The following CCDC178 variants were observed in gnomAD, a reference collection of about 807,000 sequenced individuals.
The protein encoded by CCDC178 is coiled-coil domain containing 178.
A neutral mutation model predicts 117.4 loss-of-function variants in CCDC178; 126 were observed. That is an observed-to-expected ratio of 1.07 (90% CI 0.93 to 1.24). The LOEUF (loss-of-function observed/expected upper bound fraction) is 1.24, where lower values mean the gene tolerates loss of function less well. CCDC178 is among the 50% of genes most tolerant of loss of function. CCDC178 has a pLI of 0.00. For synonymous variants in CCDC178, 283 were observed against 313.4 expected (o/e 0.90, Z 1.02); for missense variants, 1,030 against 986.9 (o/e 1.04, Z -0.59).
intron 9 of CCDC178, among the ~76,000 whole-genome samples, chr18:33,340,382 G>A (rs910995384): frequency 2.0e-5 from 3 of 152,158 alleles, no homozygotes; most frequent in African/African-American, 7.2e-5. Flanking sequence ...CAGAAAATTT[G>A]CAGCCTGACG....
At chr18:33,143,898 C>T (rs1055599807) in intron 20 of CCDC178, among the ~76,000 whole-genome samples, 1 of 152,128 alleles carries the variant, frequency 6.6e-6, no homozygotes, top group East Asian at 1.9e-4. Context: ...TGTATTAGGG[C>T]TTAGTAGAAA....
At chr18:33,025,155 G>A (rs1278868068) in intron 21 of CCDC178, among the ~76,000 whole-genome samples, 1 of 152,106 alleles carries the variant, frequency 6.6e-6, no homozygotes, top group Non-Finnish European at 1.5e-5. Context: ...GGGATTCAAA[G>A]CTGTTTGAAT....
chr18:33,092,932 T>C (rs777391598), intron 20 of CCDC178, 22 bp from the exon 21 acceptor site: 8 of 1,423,942 alleles, frequency 5.6e-6, no homozygotes, highest in Non-Finnish European at 7.7e-6. Flanking sequence ...AAAAATATAA[T>C]TGAATTGTGT....
intron 3 of CCDC178, among the ~76,000 whole-genome samples, chr18:33,398,282 T>C (rs1300382054): frequency 6.6e-6 from 1 of 152,014 alleles, no homozygotes; most frequent in Non-Finnish European, 1.5e-5. Flanking sequence ...TAAATTATAT[T>C]CCATGATAAG....
chr18:32,943,347 C>CAAAT (rs1270318149), intron 22 of CCDC178, among the ~76,000 whole-genome samples: 1 of 152,146 alleles, frequency 6.6e-6, no homozygotes, highest in Non-Finnish European at 1.5e-5. Context: ...CCCTGTTGAA[C>CAAAT]AAATGATCAT....
At chr18:33,339,842 T>C (rs757150858) in intron 9 of CCDC178, among the ~76,000 whole-genome samples, 4 of 152,138 alleles carry the variant, frequency 2.6e-5, no homozygotes, top group Admixed American at 6.5e-5. Context: ...CCCAGCCATA[T>C]GGGACTGTAA....
intron 3 of CCDC178, among the ~76,000 whole-genome samples, chr18:33,405,805 G>T (rs561921701): frequency 5.9e-5 from 9 of 152,180 alleles, no homozygotes; most frequent in African/African-American, 2.2e-4. Context: ...GATGGGAAAA[G>T]TATAATAGGC....
At chr18:33,440,788 G>A (rs1048818701), upstream of CCDC178, 3 of 154,664 alleles carry the variant, frequency 1.9e-5, no homozygotes, top group Admixed American at 1.3e-4. Flanking sequence ...GTGAGGAGCG[G>A]GCGGCTGCTG....
chr18:33,251,877 G>C (rs556887694), intron 14 of CCDC178, among the ~76,000 whole-genome samples: 2 of 151,714 alleles, frequency 1.3e-5, no homozygotes, highest in Non-Finnish European at 3.0e-5. Context: ...AATGAAGAAA[G>C]CTGCTGGTTT....
At chr18:33,398,248 T>C (rs1312328063) in intron 3 of CCDC178, among the ~76,000 whole-genome samples, 3 of 152,056 alleles carry the variant, frequency 2.0e-5, no homozygotes, top group Admixed American at 6.5e-5. Context: ...GTTTCTTCTC[T>C]ATACAAAAAC....
intron 22 of CCDC178, among the ~76,000 whole-genome samples, chr18:32,951,538 A>G (rs547166590): frequency 1.3e-5 from 2 of 152,320 alleles, no homozygotes; most frequent in Admixed American, 6.5e-5. Context: ...AGCCACCCCC[A>G]TGATTTAATT....
intron 6 of CCDC178, among the ~76,000 whole-genome samples, chr18:33,368,279 G>T (rs1241198461): frequency 1.3e-5 from 2 of 151,914 alleles, no homozygotes; most frequent in Non-Finnish European, 2.9e-5. Context: ...TTACCATATG[G>T]AGTGGATAGG....
intron 20 of CCDC178, among the ~76,000 whole-genome samples, chr18:33,199,768 C>A (rs1952447723): frequency 6.6e-6 from 1 of 152,174 alleles, no homozygotes; most frequent in African/African-American, 2.4e-5. Context: ...TGATGCAATG[C>A]ATATGCTTAT....
At chr18:33,154,214 A>G (rs1346558200) in intron 20 of CCDC178, among the ~76,000 whole-genome samples, 1 of 152,194 alleles carries the variant, frequency 6.6e-6, no homozygotes, top group Non-Finnish European at 1.5e-5. Context: ...TCTTAAAAGA[A>G]GGAGACCCCA....
intron 21 of CCDC178, among the ~76,000 whole-genome samples, chr18:33,077,729 G>A (rs1038192023): frequency 1.6e-4 from 24 of 152,110 alleles, no homozygotes; most frequent in African/African-American, 5.8e-4. Flanking sequence ...GAGTGAATGA[G>A]CATGAAACTG....
chr18:33,031,942 C>A (rs942029325), intron 21 of CCDC178, among the ~76,000 whole-genome samples: 1 of 151,686 alleles, frequency 6.6e-6, no homozygotes, highest in African/African-American at 2.4e-5. Context: ...ACTACATAGA[C>A]CAGAATGAAT....
In CCDC178 at chr18:33,227,488, T is replaced by A. The variant is rs534629732; in HGVS notation, c.1594-633A>T. ...TGGAACCCCTGATTTGAGGGAGGAGTTGGCTGGGATTTAGGATGTCCTCCA... is the reference window on the plus strand; with the variant it reads ...TGGAACCCCTGATTTGAGGGAGGAGATGGCTGGGATTTAGGATGTCCTCCA... On this transcript the variant is annotated intron_variant, in intron 15 of 22. Transcript: ENST00000383096. Among the ~76,000 whole-genome samples, 26 of 149,522 alleles carry A rather than the reference T, an allele frequency of 1.7e-4. 1 individual carries two copies. The South Asian group carries it at 5.5e-3, about 32-fold the overall frequency.
intron 11 of CCDC178, among the ~76,000 whole-genome samples, chr18:33,296,603 T>C (rs2062109305): frequency 6.6e-6 from 1 of 152,054 alleles, no homozygotes; most frequent in African/African-American, 2.4e-5. Context: ...AAAAGCAAAA[T>C]ATTAGATGAA....
At chr18:33,327,710 T>C (rs1044790155) in intron 10 of CCDC178, among the ~76,000 whole-genome samples, 6 of 152,162 alleles carry the variant, frequency 3.9e-5, no homozygotes, top group Admixed American at 2.6e-4. Context: ...ATGTTGAACA[T>C]ACATCTTTTC....
Sources: gnomAD v4.1 joint callset for allele counts (sites outside exome capture counted in the v4.1 genomes callset) on GRCh38, gnomAD v4.1.1 for gene constraint, MANE v1.5 for transcripts, NCBI Gene and HGNC (gene_info 2026-07-23, HGNC 2026-07-21) for gene names.